Variants in GADD45GIP1 observed in about 807,000 individuals in gnomAD.
GADD45GIP1 encodes the protein large ribosomal subunit protein mL64.
A neutral mutation model predicts 22.1 loss-of-function variants in GADD45GIP1; 17 were observed. The observed-to-expected ratio is 0.77, with a 90% CI of 0.53 to 1.15. GADD45GIP1 has a LOEUF of 1.15. GADD45GIP1 is among the 50% of genes most tolerant of loss of function. The pLI, the probability that GADD45GIP1 is intolerant of heterozygous loss-of-function variation, is 0.00. For missense variants in GADD45GIP1, 294 were observed against 314.0 expected (o/e 0.94, Z 0.48); for synonymous variants, 135 against 138.4 (o/e 0.98, Z 0.17).
chr19:12,953,363 CTGCT>C lies in GADD45GIP1; in HGVS notation c.*841_*844del, dbSNP rs1971867976. On this transcript the variant is annotated 3_prime_UTR_variant, in exon 2 of 2. Coordinates refer to ENST00000316939, the MANE Select transcript of GADD45GIP1 (RefSeq NM_052850.4). Reference sequence around the variant, plus strand: ...TCTCTGCAGCCAGACGGAAAGGCGGCTGCTTGCCTCTCCATCCTCCGAAAAACCC... The same window carrying C: ...TCTCTGCAGCCAGACGGAAAGGCGGCTGCCTCTCCATCCTCCGAAAAACCC... The C allele has an allele frequency of 4.9e-6, 1 of 203,594 alleles. No homozygotes were observed. The allele number at this position is 203,594 out of a possible 1,614,324, so 12.6% of individuals were successfully genotyped here.
intron 1 of GADD45GIP1, among the ~76,000 whole-genome samples, chr19:12,954,817 A>G (rs1971903731): frequency 6.6e-6 from 1 of 152,192 alleles, no homozygotes; most frequent in Non-Finnish European, 1.5e-5. Flanking sequence ...TGCCACTCCC[A>G]TGGATAATTT....
Position 12,957,068 on chromosome 19 carries a change from G to A in GADD45GIP1, c.145C>T (p.Arg49Trp). Residue 49 changes from arginine (R) to tryptophan (W), a missense_variant, in exon 1 of 2, where the codon CGG (arginine) becomes TGG (tryptophan). Coordinates refer to ENST00000316939, the MANE Select transcript of GADD45GIP1 (RefSeq NM_052850.4). Reference protein sequence around the residue: ...WPDPEDLLTPRWQLGPRYAAK... With the variant: ...WPDPEDLLTPWWQLGPRYAAK... ...GCGTAGCGCGGTCCCAGCTGCCACCGCGGGGTCAGGAGGTCCTCGGGGTCT... is the reference window on the plus strand; with the variant it reads ...GCGTAGCGCGGTCCCAGCTGCCACCACGGGGTCAGGAGGTCCTCGGGGTCT... The A allele has an allele frequency of 6.4e-7, 1 of 1,563,492 alleles. No individual in the cohort carries two copies. The highest frequency in any genetic ancestry group is 2.4e-5 in the East Asian group (1 of 41,938).
In GADD45GIP1 at chr19:12,954,175, A is replaced by G. The variant is rs1971891678; in HGVS notation, c.*33T>C. The stretch of plus-strand genomic sequence containing the variant: ...CGCAGATCTCTTCAGGGGTACTGCC[A>G]GGTAGCAGGCTTTATTGGGAAGGGA... On this transcript the variant is annotated 3_prime_UTR_variant, in exon 2 of 2. Coordinates refer to ENST00000316939, the MANE Select transcript of GADD45GIP1 (RefSeq NM_052850.4). 3.8e-6 allele frequency: 6 copies of G among 1,579,506 alleles called. No individual in the cohort carries two copies. The highest frequency in any genetic ancestry group is 4.3e-6 in the Non-Finnish European group (5 of 1,156,212).
At position 12,953,361 on chromosome 19, in the gene GADD45GIP1, G is replaced by A. The variant is rs577530988; in HGVS notation, c.*847C>T. 50 of 207,160 alleles carry A rather than the reference G, an allele frequency of 2.4e-4. No individual in the cohort carries two copies. Among genetic ancestry groups the A allele is most frequent in the Non-Finnish European group, 4.5e-4 (48 of 105,548 alleles). The allele number at this position is 207,160 out of a possible 1,614,324, so 12.8% of individuals were successfully genotyped here. On this transcript the variant is annotated 3_prime_UTR_variant, in exon 2 of 2. Transcript: ENST00000316939. ...GCTCTCTGCAGCCAGACGGAAAGGCGGCTGCTTGCCTCTCCATCCTCCGAA... is the reference window on the plus strand; with the variant it reads ...GCTCTCTGCAGCCAGACGGAAAGGCAGCTGCTTGCCTCTCCATCCTCCGAA...
chr19:12,957,035 G>C lies in GADD45GIP1; in HGVS notation c.178C>G (p.Gln60Glu), dbSNP rs1439287744. The change falls in exon 1 of 2, where the codon CAG becomes GAG. Residue 60 changes from glutamine to glutamate, a missense_variant. Gln to Glu is a conservative substitution (Grantham distance 29). Transcript: ENST00000316939. ...WQLGPRYAAK[Q>E]FARYGAASGV... The stretch of plus-strand genomic sequence containing the variant: ...GAGGCGGCGCCGTAACGCGCGAACT[G>C]CTTAGCCGCGTAGCGCGGTCCCAGC... 6.3e-7 allele frequency: 1 copy of C among 1,592,142 alleles called. No individual in the cohort carries two copies. Among genetic ancestry groups the C allele is most frequent in the Non-Finnish European group, 8.5e-7 (1 of 1,176,838 alleles).
Position 12,953,399 on chromosome 19 carries a change from A to AC in GADD45GIP1, c.*808dup, listed in dbSNP as rs3833248. The AC allele has an allele frequency of 3.7e-3, 573 of 155,204 alleles. 1 individual carries two copies. The highest frequency in any genetic ancestry group is 0.01 in the East Asian group (58 of 5,754). 9.6% of individuals were successfully genotyped at this position (155,204 alleles called of 1,614,324 possible). On this transcript the variant is annotated 3_prime_UTR_variant, in exon 2 of 2. Coordinates refer to ENST00000316939, the MANE Select transcript of GADD45GIP1 (RefSeq NM_052850.4). ...TCCATCCTCCGAAAAACCCCTGAGG[A>AC]CCCCCCCCCATCCTCTTCTAGGATG...
At position 12,954,215 on chromosome 19, in the gene GADD45GIP1, C is replaced by G; in HGVS notation, c.662G>C (p.Ser221Thr). ...TTGGGAAGGGACAAAGCCTCAGGAG[C>G]TGGGTGCCCCAGAGGCTGCTGGGTC... is the stretch of plus-strand genomic sequence containing the variant. ...AQDPAASGAP[S>T]S is the part of the protein sequence containing the mutation. The change falls in exon 2 of 2, where the codon AGC (serine) becomes ACC (threonine). Residue 221 changes from serine (S) to threonine (T), a missense_variant. Coordinates refer to ENST00000316939, the MANE Select transcript of GADD45GIP1 (RefSeq NM_052850.4). The G allele has an allele frequency of 1.2e-6, 2 of 1,612,578 alleles. No individual in the cohort carries two copies. The highest frequency in any genetic ancestry group is 1.7e-6 in the Non-Finnish European group (2 of 1,179,480).
In GADD45GIP1 at chr19:12,953,883, T is replaced by G; in HGVS notation, c.*325A>C. 4 of 268,456 alleles carry G rather than the reference T, an allele frequency of 1.5e-5. No homozygotes were observed. Among genetic ancestry groups the G allele is most frequent in the African/African-American group, 2.2e-5 (1 of 44,808 alleles). 16.6% of individuals were successfully genotyped at this position (268,456 alleles called of 1,614,324 possible). A position where few individuals can be genotyped will look rare whatever the true frequency, so the allele number is the denominator to read the frequency against. ...CCCCACCATCATCACCACAGTCTGT[T>G]TTGGCTATACTTCCCCCCCCACCAG... On this transcript the variant is annotated 3_prime_UTR_variant, in exon 2 of 2. Coordinates refer to ENST00000316939, the MANE Select transcript of GADD45GIP1 (RefSeq NM_052850.4).
chr19:12,956,685 T>G (rs1310149088), intron 1 of GADD45GIP1, among the ~76,000 whole-genome samples, 178 bp downstream of exon 1: 2 of 150,768 alleles, frequency 1.3e-5, no homozygotes, highest in Non-Finnish European at 3.0e-5. Flanking sequence ...AAACAAAACT[T>G]GCTGATGAAT....
chr19:12,954,291 T>G lies in GADD45GIP1; in HGVS notation c.586A>C (p.Lys196Gln), dbSNP rs753575831. 7 of 1,613,952 alleles carry G rather than the reference T, an allele frequency of 4.3e-6. No individual in the cohort carries two copies. Among genetic ancestry groups the G allele is most frequent in the Non-Finnish European group, 5.1e-6 (6 of 1,180,014 alleles). Reference sequence around the variant, plus strand: ...GCAGCTCGCGCCTCCTTCTTCCGTTTCTGTTTTTCCTCCTTGAGGCGCTTG... The same window carrying G: ...GCAGCTCGCGCCTCCTTCTTCCGTTGCTGTTTTTCCTCCTTGAGGCGCTTG... ...ERKRLKEEKQ[K>Q]RKKEARAAAL... Residue 196 changes from lysine to glutamine, a missense_variant, in exon 2 of 2, where the codon AAA becomes CAA. Transcript: ENST00000316939.
rs1354554281 is a variant in GADD45GIP1 at position 12,954,386 on chromosome 19, A to G, written c.491T>C (p.Leu164Pro). 3.7e-6 allele frequency: 6 copies of G among 1,613,562 alleles called. No homozygotes were observed. The Admixed American group carries it at 1.0e-4, about 27-fold the overall frequency. The change falls in exon 2 of 2, where the codon CTG becomes CCG. Residue 164 changes from leucine (L) to proline (P), a missense_variant. Transcript: ENST00000316939. ...ACTCCTTGGGTCCACCTGGTAGCCC[A>G]GGAGCTCCTGGGCCTCAGCCTGCAG... The part of the protein sequence containing the change: ...ARLQAEAQEL[L>P]GYQVDPRSAR...
In GADD45GIP1 at chr19:12,954,480, C is replaced by T. The variant is rs775739599; in HGVS notation, c.397G>A (p.Val133Met). ...TCCCGCTGCTGCTGCTGCCAGTTCA[C>T]AATCATCTGTGGCATCTTGGCCATG... Reference protein sequence around the residue: ...ECMAKMPQMIVNWQQQQRENW... With the variant: ...ECMAKMPQMIMNWQQQQRENW... The change falls in exon 2 of 2, where the codon GTG (valine) becomes ATG (methionine). Residue 133 changes from valine to methionine, a missense_variant. Val to Met is a conservative substitution (Grantham distance 21). Transcript: ENST00000316939. 3 of 1,614,034 alleles carry T rather than the reference C, an allele frequency of 1.9e-6. No individual in the cohort carries two copies. The highest frequency in any genetic ancestry group is 2.2e-5 in the East Asian group (1 of 44,896).
In GADD45GIP1 at chr19:12,956,918, T is replaced by C; in HGVS notation, c.295A>G (p.Met99Val). 6.3e-6 allele frequency: 10 copies of C among 1,599,826 alleles called. No individual in the cohort carries two copies. The highest frequency in any genetic ancestry group is 8.5e-6 in the Non-Finnish European group (10 of 1,179,786). ...EREWYPSLAT[M>V]QESLRVKQLA... ...TGCTTCACCCGCAGCGACTCCTGCATGGTCGCCAGGCTCGGGTACCATTCG... is the reference window on the plus strand; with the variant it reads ...TGCTTCACCCGCAGCGACTCCTGCACGGTCGCCAGGCTCGGGTACCATTCG... Residue 99 changes from methionine to valine, a missense_variant, in exon 1 of 2, where the codon ATG becomes GTG. Coordinates refer to ENST00000316939, the MANE Select transcript of GADD45GIP1 (RefSeq NM_052850.4).
chr19:12,956,624 A>T (rs776144974), intron 1 of GADD45GIP1, among the ~76,000 whole-genome samples: 2 of 152,254 alleles, frequency 1.3e-5, no homozygotes, highest in African/African-American at 4.8e-5. Context: ...ACTGCACTCC[A>T]GCCTGGGCAA....
Position 12,954,511 on chromosome 19 carries a change from T to C in GADD45GIP1, c.366A>G (p.Ala122=), listed in dbSNP as rs370696128. ...QKRREREQHI[A]ECMAKMPQMI... Reference sequence around the variant, plus strand: ...TCTGTGGCATCTTGGCCATGCACTCTGCGATGTGCTGCTCCCTGCAGGGGA... The same window carrying C: ...TCTGTGGCATCTTGGCCATGCACTCCGCGATGTGCTGCTCCCTGCAGGGGA... Residue 122 remains alanine (A), a synonymous_variant, in exon 2 of 2, where the codon GCA becomes GCG. Coordinates refer to ENST00000316939, the MANE Select transcript of GADD45GIP1 (RefSeq NM_052850.4). 1.2e-6 allele frequency: 2 copies of C among 1,612,988 alleles called. No homozygotes were observed. Among genetic ancestry groups the C allele is most frequent in the South Asian group, 1.1e-5 (1 of 90,984 alleles).
intron 1 of GADD45GIP1, among the ~76,000 whole-genome samples, chr19:12,955,006 G>A (rs1289975080): frequency 6.6e-6 from 1 of 152,218 alleles, no homozygotes; most frequent in African/African-American, 2.4e-5. Context: ...TTGTTACGTA[G>A]GTAAACTTGT....
chr19:12,953,898 C>A lies in GADD45GIP1; in HGVS notation c.*310G>T. The A allele has an allele frequency of 3.0e-6, 1 of 337,582 alleles. No homozygotes were observed. Among genetic ancestry groups the A allele is most frequent in the Non-Finnish European group, 5.5e-6 (1 of 183,130 alleles). The allele number at this position is 337,582 out of a possible 1,614,324, so 20.9% of individuals were successfully genotyped here. A position where few individuals can be genotyped will look rare whatever the true frequency, so the allele number is the denominator to read the frequency against. ...CACAGTCTGTTTTGGCTATACTTCCCCCCCCACCAGCCTTGTAATTGGCTA... is the reference window on the plus strand; with the variant it reads ...CACAGTCTGTTTTGGCTATACTTCCACCCCCACCAGCCTTGTAATTGGCTA... On this transcript the variant is annotated 3_prime_UTR_variant, in exon 2 of 2. Coordinates refer to ENST00000316939, the MANE Select transcript of GADD45GIP1 (RefSeq NM_052850.4).
In GADD45GIP1 at chr19:12,953,298, G is replaced by T; in HGVS notation, c.*910C>A. The T allele has an allele frequency of 3.0e-6, 1 of 330,614 alleles. No individual in the cohort carries two copies. Among genetic ancestry groups the T allele is most frequent in the Non-Finnish European group, 5.3e-6 (1 of 187,088 alleles). The allele number at this position is 330,614 out of a possible 1,614,324, so 20.5% of individuals were successfully genotyped here. Reference sequence around the variant, plus strand: ...CCTGCTCAGAGAAGCTGGCAGGACTGGGAGGCGACAGATGGGCCCCTCTTG... The same window carrying T: ...CCTGCTCAGAGAAGCTGGCAGGACTTGGAGGCGACAGATGGGCCCCTCTTG... On this transcript the variant is annotated 3_prime_UTR_variant, in exon 2 of 2. Transcript: ENST00000316939.
Position 12,956,931 on chromosome 19 carries a change from CG to C in GADD45GIP1, c.281del (p.Pro94ArgfsTer12). 2 of 1,599,720 alleles carry C rather than the reference CG, an allele frequency of 1.3e-6. No homozygotes were observed. Among genetic ancestry groups the C allele is most frequent in the Non-Finnish European group, 1.7e-6 (2 of 1,179,802 alleles). On this transcript the variant is annotated frameshift_variant, in exon 1 of 2. Transcript: ENST00000316939. LOFTEE classifies it high-confidence loss of function. ...ELEAEEREWYPSLATMQESLR... is the reference protein window; with the variant it reads ...ELEAEEREWYXSLATMQESLR... The stretch of plus-strand genomic sequence containing the variant: ...GCGACTCCTGCATGGTCGCCAGGCT[CG>C]GGTACCATTCGCGTTCTTCGGCCTC...
Sources: gnomAD v4.1 joint callset for allele counts (sites outside exome capture counted in the v4.1 genomes callset) on GRCh38, gnomAD v4.1.1 for gene constraint, MANE v1.5 for transcripts, NCBI Gene and HGNC (gene_info 2026-07-23, HGNC 2026-07-21) for gene names.